The following ADAM7 variants were observed in gnomAD, a reference collection of about 807,000 sequenced individuals.
The protein encoded by ADAM7 is ADAM metallopeptidase domain 7.
ADAM7 carries 97 observed loss-of-function variants against 102.9 expected under a neutral mutation model. The observed-to-expected ratio is 0.94, with a 90% CI of 0.80 to 1.12. The LOEUF (loss-of-function observed/expected upper bound fraction) is 1.12. ADAM7 is among the 50% of genes most tolerant of loss of function. The pLI is 0.00. For synonymous variants in ADAM7, 334 were observed against 304.4 expected (o/e 1.10, Z -1.01); for missense variants, 991 against 908.7 (o/e 1.09, Z -1.16).
intron 20 of ADAM7, 67 bp from the exon 21 acceptor site, chr8:24,507,413 G>A: frequency 1.6e-6 from 2 of 1,274,908 alleles, no homozygotes; most frequent in Non-Finnish European, 1.1e-6. Context: ...ATGCATGTCT[G>A]TGTGTGGATG....
At chr8:24,464,423 T>C (rs894897324) in intron 4 of ADAM7, among the ~76,000 whole-genome samples, 1 of 152,200 alleles carries the variant, frequency 6.6e-6, no homozygotes, top group Non-Finnish European at 1.5e-5. Context: ...CAAATGAATT[T>C]TTGTTCATTT....
intron 20 of ADAM7, 36 bp downstream of exon 20, chr8:24,501,612 A>AT (rs3071035): frequency 0.03 from 39,275 of 1,291,052 alleles, 244 homozygotes; most frequent in African/African-American, 0.1. Flanking sequence ...TAATTTATTG[A>AT]TTTTTTTTTT....
rs746627583 is a variant in ADAM7, at chr8:24,491,889, T to A, written c.1357-14T>A. ...ATGTATCCAGGATTTAGTCTCTTTGTTTTTCCTCAACAGATAAAAAAAGCA... is the reference window on the plus strand; with the variant it reads ...ATGTATCCAGGATTTAGTCTCTTTGATTTTCCTCAACAGATAAAAAAAGCA... On this transcript the variant is annotated splice_polypyrimidine_tract_variant and intron_variant, in intron 13 of 21. Transcript: ENST00000175238. 1 of 1,572,716 alleles carries A rather than the reference T, an allele frequency of 6.4e-7. No individual in the cohort carries two copies. Among genetic ancestry groups the A allele is most frequent in the African/African-American group, 1.4e-5 (1 of 73,386 alleles).
intron 12 of ADAM7, chr8:24,490,490 A>C (rs909094500): frequency 2.1e-5 from 5 of 238,424 alleles, no homozygotes; most frequent in Non-Finnish European, 4.1e-5. Context: ...ACTTCAGTAC[A>C]GGGAAGCAGT....
chr8:24,478,540 T>C (rs1019880133), intron 8 of ADAM7, among the ~76,000 whole-genome samples: 8 of 152,288 alleles, frequency 5.3e-5, no homozygotes, highest in African/African-American at 1.9e-4. Flanking sequence ...AAATTCATCA[T>C]AGTCACAGTC....
chr8:24,466,521 C>A (rs993111980), intron 5 of ADAM7, among the ~76,000 whole-genome samples: 4 of 152,156 alleles, frequency 2.6e-5, no homozygotes, highest in Admixed American at 6.5e-5. Context: ...GACTTGACAG[C>A]GGTCCACAAC....
chr8:24,466,721 C>A, intron 5 of ADAM7, 78 bp from the exon 6 acceptor site: 1 of 1,382,410 alleles, frequency 7.2e-7, no homozygotes, highest in Non-Finnish European at 9.9e-7. Context: ...GTTTCTCTTT[C>A]TTGAAAAGGC....
intron 3 of ADAM7, among the ~76,000 whole-genome samples, chr8:24,456,584 T>C (rs1819042408): frequency 2.0e-5 from 3 of 151,958 alleles, no homozygotes; most frequent in Admixed American, 6.6e-5. Context: ...CTCAGAAAAG[T>C]TCTTCATGCT....
At chr8:24,456,667 G>A (rs1458283612) in intron 3 of ADAM7, among the ~76,000 whole-genome samples, 1 of 140,062 alleles carries the variant, frequency 7.1e-6, no homozygotes, top group Admixed American at 7.2e-5. Context: ...GATTACATTT[G>A]TCCATTCTGG....
In ADAM7 at chr8:24,463,973, A is replaced by T; in HGVS notation, c.312+13A>T. 1 of 1,600,614 alleles carries T rather than the reference A, an allele frequency of 6.2e-7. No homozygotes were observed. The highest frequency in any genetic ancestry group is 1.3e-5 in the African/African-American group (1 of 74,718). ...TCCTCAGATCATGGTATCTTATGGA[A>T]CTTTACTGTGTCTCTTCTCTAAAAG... On this transcript the variant is annotated intron_variant, in intron 4 of 21. Transcript: ENST00000175238.
intron 6 of ADAM7, 199 bp downstream of exon 6, chr8:24,467,187 T>G: frequency 1.7e-6 from 1 of 602,740 alleles, no homozygotes; most frequent in South Asian, 2.1e-5. Context: ...TTAATCAGTT[T>G]CAAGAAAGGA....
At chr8:24,448,688 T>G (rs1255855274) in intron 3 of ADAM7, among the ~76,000 whole-genome samples, 3 of 148,978 alleles carry the variant, frequency 2.0e-5, no homozygotes, top group Admixed American at 1.3e-4. Flanking sequence ...ATTATTATAC[T>G]TTAAGTTTTA....
At chr8:24,504,936 T>C (rs1820899533) in intron 20 of ADAM7, among the ~76,000 whole-genome samples, 1 of 152,154 alleles carries the variant, frequency 6.6e-6, no homozygotes, top group Non-Finnish European at 1.5e-5. Flanking sequence ...CAAGTCTTAA[T>C]TGTCCATTAG....
intron 12 of ADAM7, among the ~76,000 whole-genome samples, chr8:24,490,122 A>G (rs1282750611): frequency 2.0e-5 from 3 of 152,182 alleles, no homozygotes; most frequent in Non-Finnish European, 2.9e-5. Context: ...GAGGTCTAGT[A>G]GGACAGCAGT....
At chr8:24,508,457 TAATTA>T in intron 21 of ADAM7, 84 bp from the exon 22 acceptor site, 1 of 1,332,398 alleles carries the variant, frequency 7.5e-7, no homozygotes. Flanking sequence ...AAGGTTATTC[TAATTA>T]GTAGATATAA....
At position 24,465,683 on chromosome 8, in the gene ADAM7, T is replaced by C. The variant is rs1819401091; in HGVS notation, c.313-16T>C. ...AATATTTATACATATAGTAATAGAGTCTTCTTCTATTTTAGGATCATTGTT... is the reference window on the plus strand; with the variant it reads ...AATATTTATACATATAGTAATAGAGCCTTCTTCTATTTTAGGATCATTGTT... On this transcript the variant is annotated splice_polypyrimidine_tract_variant and intron_variant, in intron 4 of 21. Coordinates refer to ENST00000175238, the MANE Select transcript of ADAM7 (RefSeq NM_003817.4). The C allele has an allele frequency of 6.5e-7, 1 of 1,528,686 alleles. No individual in the cohort carries two copies. Among genetic ancestry groups the C allele is most frequent in the East Asian group, 2.3e-5 (1 of 44,032 alleles). The allele number at this position is 1,528,686 out of a possible 1,614,324, so 94.7% of individuals were successfully genotyped here. A position where few individuals can be genotyped will look rare whatever the true frequency, so the allele number is the denominator to read the frequency against.
chr8:24,454,214 G>GTCC (rs897852314), intron 3 of ADAM7, among the ~76,000 whole-genome samples: 11 of 152,222 alleles, frequency 7.2e-5, no homozygotes, highest in African/African-American at 2.4e-4. Context: ...GTCTGCAGAG[G>GTCC]TTACTGCTGT....
intron 6 of ADAM7, chr8:24,467,321 T>G (rs1233032214): frequency 2.8e-6 from 1 of 351,568 alleles, no homozygotes; most frequent in Non-Finnish European, 5.1e-6. Flanking sequence ...CCCTGCCATT[T>G]TTTTTTGCAG....
chr8:24,479,199 C>T (rs1427009976), intron 8 of ADAM7, among the ~76,000 whole-genome samples: 1 of 152,052 alleles, frequency 6.6e-6, no homozygotes, highest in Non-Finnish European at 1.5e-5. Context: ...GGGTCCAGAG[C>T]ATGTTCTATC....
Sources: allele counts gnomAD v4.1 joint callset (sites outside exome capture counted in the v4.1 genomes callset), GRCh38; gene constraint gnomAD v4.1.1; transcripts MANE v1.5; gene names NCBI Gene and HGNC (gene_info 2026-07-23, HGNC 2026-07-21).